WAC: variants seen among roughly 807,000 people sequenced by gnomAD.
The protein encoded by WAC is WW domain-containing adapter protein with coiled-coil.
WAC carries 11 observed loss-of-function variants against 79.6 expected under a neutral mutation model. The ratio of observed to expected loss-of-function variants is 0.14; its 90% CI spans 0.09 to 0.23. WAC has a LOEUF of 0.23. WAC is among the 10% of genes least tolerant of loss of function. The pLI is 1.00. For missense variants in WAC, 728 were observed against 773.5 expected, an observed-to-expected ratio of 0.94 and a Z score of 0.70; for synonymous variants, 304 against 276.9, an observed-to-expected ratio of 1.10 and a Z score of -0.97.
chr10:28,614,770 G>T (rs2132854120), intron 11 of WAC, 85 bp downstream of exon 11: 3 of 1,154,146 alleles, frequency 2.6e-6, no homozygotes, highest in Middle Eastern at 2.0e-4. Flanking sequence ...CTGTAAAATA[G>T]AACTTAACCT....
At chr10:28,552,364 G>C (rs1240448292) in intron 3 of WAC, among the ~76,000 whole-genome samples, 4 of 150,436 alleles carry the variant, frequency 2.7e-5, no homozygotes, top group Non-Finnish European at 4.4e-5. Flanking sequence ...CAGAGTGGTA[G>C]TTTATATTTT....
intron 13 of WAC, among the ~76,000 whole-genome samples, chr10:28,619,211 CGG>C (rs1841600674): frequency 6.6e-6 from 1 of 152,102 alleles, no homozygotes; most frequent in Admixed American, 6.6e-5. Context: ...ACCCGGGAGG[CGG>C]AGATTGCAGT....
chr10:28,599,984 A>T (rs1840561347), intron 7 of WAC, among the ~76,000 whole-genome samples: 1 of 152,184 alleles, frequency 6.6e-6, no homozygotes, highest in South Asian at 2.1e-4. Flanking sequence ...AACCTGCTCT[A>T]ACTCTGCCAT....
intron 3 of WAC, among the ~76,000 whole-genome samples, chr10:28,578,816 G>T (rs757727726): frequency 2.0e-5 from 3 of 152,150 alleles, no homozygotes; most frequent in Admixed American, 6.6e-5. Context: ...AAATACTGAA[G>T]ATTTTGTCAG....
intron 8 of WAC, 39 bp from the exon 9 acceptor site, chr10:28,610,660 C>T (rs747549709): frequency 1.9e-6 from 3 of 1,567,244 alleles, no homozygotes; most frequent in Non-Finnish European, 2.6e-6. Flanking sequence ...ACATAAGCCT[C>T]TTGTTTTTAT....
intron 7 of WAC, among the ~76,000 whole-genome samples, chr10:28,600,177 T>C (rs1183824966): frequency 6.6e-6 from 1 of 152,096 alleles, no homozygotes; most frequent in Non-Finnish European, 1.5e-5. Flanking sequence ...ATTAGACCTA[T>C]TTAGTAATCT....
chr10:28,588,258 A>G (rs1839921952), intron 4 of WAC, among the ~76,000 whole-genome samples: 1 of 152,134 alleles, frequency 6.6e-6, no homozygotes, highest in Admixed American at 6.5e-5. Context: ...TTGGGTTCCT[A>G]AAGCTTGATT....
At chr10:28,611,353 G>A (rs1229496982) in intron 9 of WAC, 4 of 1,295,510 alleles carry the variant, frequency 3.1e-6, no homozygotes, top group Non-Finnish European at 4.0e-6. Context: ...TAAACAGCAG[G>A]AATGCCTTGT....
chr10:28,617,529 T>G, intron 12 of WAC, 128 bp from the exon 13 acceptor site: 1 of 830,980 alleles, frequency 1.2e-6, no homozygotes, highest in Non-Finnish European at 1.7e-6. Flanking sequence ...TTCACCAGCA[T>G]TTTTGTGTAT....
chr10:28,619,184 C>T (rs530739059), intron 13 of WAC, among the ~76,000 whole-genome samples: 1 of 152,248 alleles, frequency 6.6e-6, no homozygotes, highest in Admixed American at 6.5e-5. Flanking sequence ...GAGGCTGAGG[C>T]AGGGAGAATT....
chr10:28,555,659 A>T (rs989618189), intron 3 of WAC, among the ~76,000 whole-genome samples: 1 of 152,120 alleles, frequency 6.6e-6, no homozygotes, highest in African/African-American at 2.4e-5. Context: ...CGTTCCCTAA[A>T]TTTTTATTTC....
At chr10:28,603,375 G>C (rs768395527) in intron 7 of WAC, among the ~76,000 whole-genome samples, 1 of 152,120 alleles carries the variant, frequency 6.6e-6, no homozygotes, top group East Asian at 1.9e-4. Context: ...CTTAATGCTT[G>C]GAAAAGTTTG....
At chr10:28,555,017 T>C (rs1002657742) in intron 3 of WAC, among the ~76,000 whole-genome samples, 3 of 152,218 alleles carry the variant, frequency 2.0e-5, no homozygotes, top group African/African-American at 7.2e-5. Flanking sequence ...TTTTAGTGTC[T>C]GAAACAGAAT....
chr10:28,616,835 T>C (rs1033840698), intron 12 of WAC, among the ~76,000 whole-genome samples: 1 of 152,214 alleles, frequency 6.6e-6, no homozygotes, highest in Admixed American at 6.5e-5. Flanking sequence ...CCCAACACTT[T>C]GGGAGGCCAA....
rs1251263786 is a variant in WAC, at chr10:28,621,921, A to C, written c.*2315A>C. 1 of 152,328 alleles carries C rather than the reference A, an allele frequency of 6.6e-6. No homozygotes were observed. The highest frequency in any genetic ancestry group is 1.5e-5 in the Non-Finnish European group (1 of 68,192). 9.4% of individuals were successfully genotyped at this position (152,328 alleles called of 1,614,324 possible). A position where few individuals can be genotyped will look rare whatever the true frequency, so the allele number is the denominator to read the frequency against. On this transcript the variant is annotated 3_prime_UTR_variant, in exon 14 of 14. Coordinates refer to ENST00000354911, the MANE Select transcript of WAC (RefSeq NM_016628.5). ...AGACAGAGTTTCACTCTTGTTGCCCAGGCTGGAGTGCAATGGCACGATCTC... is the reference window on the plus strand; with the variant it reads ...AGACAGAGTTTCACTCTTGTTGCCCCGGCTGGAGTGCAATGGCACGATCTC...
intron 13 of WAC, 132 bp from the exon 14 acceptor site, chr10:28,619,402 AAAT>A: frequency 6.2e-6 from 4 of 649,278 alleles, no homozygotes; most frequent in South Asian, 2.2e-5. Context: ...ATTTATAGTT[AAAT>A]AATTTTTTAA....
chr10:28,575,287 C>G (rs942732068), intron 3 of WAC, among the ~76,000 whole-genome samples: 2 of 152,174 alleles, frequency 1.3e-5, no homozygotes, highest in African/African-American at 2.4e-5. Flanking sequence ...TCCCCAGTTT[C>G]TGTTGTTGCC....
chr10:28,588,784 TTTCG>T (rs1839946355), intron 4 of WAC: 1 of 152,224 alleles, frequency 6.6e-6, no homozygotes, highest in Non-Finnish European at 1.5e-5. Context: ...CATAGTGATG[TTTCG>T]ATACATACAG....
chr10:28,594,037 C>G (rs1236997467), intron 6 of WAC, among the ~76,000 whole-genome samples: 1 of 152,152 alleles, frequency 6.6e-6, no homozygotes, highest in Non-Finnish European at 1.5e-5. Context: ...TCTCTCCAGT[C>G]AGGACAAGCA....
Sources: gnomAD v4.1 joint callset for allele counts (sites outside exome capture counted in the v4.1 genomes callset) on GRCh38, gnomAD v4.1.1 for gene constraint, MANE v1.5 for transcripts, NCBI Gene and HGNC (gene_info 2026-07-23, HGNC 2026-07-21) for gene names.